Variants in PCSK2 observed in about 807,000 individuals in gnomAD.
PCSK2 encodes neuroendocrine convertase 2.
PCSK2 carries 14 observed loss-of-function variants against 69.7 expected under a neutral mutation model. That is an observed-to-expected ratio of 0.20 (90% CI 0.13 to 0.31). PCSK2 has a LOEUF of 0.31. PCSK2 is among the 10% of genes least tolerant of loss of function. PCSK2 has a pLI of 1.00. For synonymous variants in PCSK2, 307 were observed against 320.7 expected, an observed-to-expected ratio of 0.96 and a Z score of 0.46; for missense variants, 544 against 842.5, an observed-to-expected ratio of 0.65 and a Z score of 4.39.
chr20:17,354,434 T>A (rs959306774), intron 2 of PCSK2, among the ~76,000 whole-genome samples: 2 of 152,202 alleles, frequency 1.3e-5, no homozygotes, highest in African/African-American at 2.4e-5. Flanking sequence ...AGAGAATAAG[T>A]CAGTGACCTT....
At chr20:17,303,515 TA>T (rs1989208698) in intron 2 of PCSK2, among the ~76,000 whole-genome samples, 4 of 23,844 alleles carry the variant, frequency 1.7e-4, no homozygotes, top group Admixed American at 8.3e-4. Flanking sequence ...ATATTATATA[TA>T]ATATAATATA....
At chr20:17,452,258 T>TG (rs11087207) in intron 8 of PCSK2, among the ~76,000 whole-genome samples, 150,915 of 152,204 alleles carry the variant, frequency 0.99, 74,813 homozygotes, top group East Asian at 1. Context: ...ACTGTAGGGA[T>TG]ATCTATTTCC....
intron 5 of PCSK2, among the ~76,000 whole-genome samples, chr20:17,379,896 G>T (rs2031040200): frequency 6.6e-6 from 1 of 152,224 alleles, no homozygotes; most frequent in Non-Finnish European, 1.5e-5. Flanking sequence ...AGGAGTCAGA[G>T]AGATTCTAAG....
intron 7 of PCSK2, among the ~76,000 whole-genome samples, chr20:17,436,181 C>T (rs2032480922): frequency 1.3e-5 from 2 of 152,170 alleles, no homozygotes; most frequent in African/African-American, 2.4e-5. Flanking sequence ...TCCCTCTCAG[C>T]TACAGTGCAA....
chr20:17,425,108 A>C (rs1359164206), intron 6 of PCSK2, among the ~76,000 whole-genome samples: 1 of 152,226 alleles, frequency 6.6e-6, no homozygotes, highest in Non-Finnish European at 1.5e-5. Flanking sequence ...AAAATAATCC[A>C]AAGTAAGAAA....
chr20:17,369,416 AGGAG>A, intron 5 of PCSK2, 139 bp downstream of exon 5: 1 of 723,168 alleles, frequency 1.4e-6, no homozygotes, highest in Non-Finnish European at 2.5e-6. Flanking sequence ...ACACACACAC[AGGAG>A]TACAGCTGCT....
At chr20:17,356,676 T>C (rs894114154) in intron 2 of PCSK2, among the ~76,000 whole-genome samples, 8 of 152,028 alleles carry the variant, frequency 5.3e-5, no homozygotes, top group Admixed American at 4.6e-4. Context: ...CAGAGAGAAG[T>C]TGTCAGGAAG....
chr20:17,335,905 T>C (rs1311552134), intron 2 of PCSK2, among the ~76,000 whole-genome samples: 1 of 146,996 alleles, frequency 6.8e-6, no homozygotes, highest in Non-Finnish European at 1.5e-5. Context: ...TCATATTTTC[T>C]TTATCCACAC....
At chr20:17,303,355 A>G (rs1989156704) in intron 2 of PCSK2, among the ~76,000 whole-genome samples, 1 of 130,788 alleles carries the variant, frequency 7.6e-6, no homozygotes, top group South Asian at 2.2e-4. Flanking sequence ...ATATAAACAT[A>G]CAATATATGA....
At chr20:17,283,625 C>G (rs1479127853) in intron 2 of PCSK2, among the ~76,000 whole-genome samples, 1 of 152,210 alleles carries the variant, frequency 6.6e-6, no homozygotes, top group Admixed American at 6.5e-5. Flanking sequence ...CTAATCATCT[C>G]TCACTCAAGC....
chr20:17,400,560 C>A (rs2031611086), intron 5 of PCSK2, among the ~76,000 whole-genome samples: 1 of 152,038 alleles, frequency 6.6e-6, no homozygotes. Flanking sequence ...TACCTGATAT[C>A]ATTACAGTAA....
chr20:17,355,650 A>AACACACACACACACACAC (rs74179105), intron 2 of PCSK2, among the ~76,000 whole-genome samples: 1 of 148,694 alleles, frequency 6.7e-6, no homozygotes, highest in Non-Finnish European at 1.5e-5. Flanking sequence ...TGTGCACGCA[A>AACACACACACACACACAC]ACACACACAC....
chr20:17,449,540 G>GTATGTATGTGTATATA (rs1568655123), intron 8 of PCSK2, among the ~76,000 whole-genome samples: 1 of 40,688 alleles, frequency 2.5e-5, no homozygotes, highest in Non-Finnish European at 5.7e-5. Flanking sequence ...ATATATATAT[G>GTATGTATGTGTATATA]TATATTTGAG....
At chr20:17,426,968 T>G (rs1488719601) in intron 6 of PCSK2, among the ~76,000 whole-genome samples, 1 of 152,238 alleles carries the variant, frequency 6.6e-6, no homozygotes. Context: ...GTTACAATTT[T>G]AATCTGCATG....
chr20:17,310,997 G>A (rs866259209), intron 2 of PCSK2, among the ~76,000 whole-genome samples: 7 of 82,114 alleles, frequency 8.5e-5, no homozygotes, highest in South Asian at 5.1e-4. Flanking sequence ...GCAAGACTCC[G>A]TCTCAAAAAA....
Position 17,482,261 on chromosome 20 carries a change from A to T in PCSK2, c.*191A>T, listed in dbSNP as rs771221214. On this transcript the variant is annotated 3_prime_UTR_variant, in exon 12 of 12. Coordinates refer to ENST00000262545, the MANE Select transcript of PCSK2 (RefSeq NM_002594.5). ...ACAATCTTTTTTACTCTATGCCCCA[A>T]ATATAGCGTTCCCAACAACATCCAT... 2.8e-4 allele frequency: 134 copies of T among 484,154 alleles called. No individual in the cohort carries two copies. The highest frequency in any genetic ancestry group is 4.5e-4 in the Non-Finnish European group (125 of 280,648). 30.0% of individuals were successfully genotyped at this position (484,154 alleles called of 1,614,324 possible). A position where few individuals can be genotyped will look rare whatever the true frequency, so the allele number is the denominator to read the frequency against.
intron 3 of PCSK2, 126 bp downstream of exon 3, chr20:17,358,566 C>G: frequency 1.6e-6 from 1 of 607,804 alleles, no homozygotes; most frequent in Non-Finnish European, 2.9e-6. Flanking sequence ...TCTCTGTCCC[C>G]TTACATATGT....
chr20:17,332,694 ATGC>A (rs1468303895), intron 2 of PCSK2, among the ~76,000 whole-genome samples: 6 of 152,178 alleles, frequency 3.9e-5, no homozygotes, highest in African/African-American at 1.4e-4. Context: ...GAGGATTCTG[ATGC>A]TGCTTCTAAA....
At chr20:17,461,906 T>C (rs1410367413) in intron 10 of PCSK2, among the ~76,000 whole-genome samples, 1 of 152,174 alleles carries the variant, frequency 6.6e-6, no homozygotes, top group Non-Finnish European at 1.5e-5. Context: ...ATGTACCCCA[T>C]AAATACATAC....
Sources: allele counts gnomAD v4.1 joint callset (sites outside exome capture counted in the v4.1 genomes callset), GRCh38; gene constraint gnomAD v4.1.1; transcripts MANE v1.5; gene names NCBI Gene and HGNC (gene_info 2026-07-23, HGNC 2026-07-21).